The following RGSL1 variants were observed in gnomAD, a reference collection of about 807,000 sequenced individuals.
RGSL1 encodes the protein regulator of G protein signaling protein-like.
Under a neutral mutation model 124.7 loss-of-function variants are expected in RGSL1, and 97 were observed. The observed-to-expected ratio is 0.78, with a 90% CI of 0.66 to 0.92. The LOEUF is 0.92. Ranked by LOEUF, RGSL1 falls within the 40% of genes least tolerant of loss-of-function variation. RGSL1 has a pLI of 0.00. For synonymous variants in RGSL1, 424 were observed against 438.1 expected (o/e 0.97, Z 0.40); for missense variants, 1,233 against 1,288.4 (o/e 0.96, Z 0.66).
chr1:182,479,535 T>C (rs547873590), intron 6 of RGSL1, among the ~76,000 whole-genome samples: 6 of 151,966 alleles, frequency 3.9e-5, no homozygotes, highest in African/African-American at 1.4e-4. Flanking sequence ...AGTATATCAC[T>C]ACAAAAAACA....
At chr1:182,485,448 C>T (rs771163634) in intron 6 of RGSL1, among the ~76,000 whole-genome samples, 3 of 152,206 alleles carry the variant, frequency 2.0e-5, no homozygotes, top group Non-Finnish European at 4.4e-5. Flanking sequence ...GCTGACATCA[C>T]TCATCTTGAT....
chr1:182,535,370 T>C (rs1659464674), intron 14 of RGSL1, among the ~76,000 whole-genome samples: 1 of 152,192 alleles, frequency 6.6e-6, no homozygotes, highest in African/African-American at 2.4e-5. Context: ...AGCCAGAGTG[T>C]GTGTGTGTTT....
chr1:182,454,615 T>C (rs978008260), intron 2 of RGSL1, among the ~76,000 whole-genome samples: 3 of 150,400 alleles, frequency 2.0e-5, no homozygotes, highest in African/African-American at 7.3e-5. Context: ...TGTGTGTGTG[T>C]GTGTGTGTGT....
Position 182,500,611 on chromosome 1 carries a change from T to A in RGSL1, c.1825+7482T>A, listed in dbSNP as rs573334750. On this transcript the variant is annotated intron_variant, in intron 9 of 21. Coordinates refer to ENST00000294854, the MANE Select transcript of RGSL1 (RefSeq NM_001137669.2). Reference sequence around the variant, plus strand: ...ATCATTTTGGGTAGCATCGCCATATTCAATCTTCCAATTTATGAACACAGG... The same window carrying A: ...ATCATTTTGGGTAGCATCGCCATATACAATCTTCCAATTTATGAACACAGG... Among the ~76,000 whole-genome samples, 127 of 152,302 alleles carry A rather than the reference T, an allele frequency of 8.3e-4. 1 individual carries two copies. The highest frequency in any genetic ancestry group is 3.4e-3 in the Middle Eastern group (1 of 294).
chr1:182,530,298 A>G lies in RGSL1; in HGVS notation c.2180A>G (p.His727Arg). 9.0e-6 allele frequency: 14 copies of G among 1,551,166 alleles called. No homozygotes were observed. The highest frequency in any genetic ancestry group is 1.2e-5 in the Non-Finnish European group (14 of 1,146,588). ...ATCAAAGAAATCGCTTCCATGCGTCATGTCACCACAAGCACACTGTTAACG... is the reference window on the plus strand; with the variant it reads ...ATCAAAGAAATCGCTTCCATGCGTCGTGTCACCACAAGCACACTGTTAACG... ...PIIKEIASMRHVTTSTLLTLQ... is the reference protein window; with the variant it reads ...PIIKEIASMRRVTTSTLLTLQ... The change falls in exon 12 of 22, where the codon CAT becomes CGT. Residue 727 changes from histidine (H) to arginine (R), a missense_variant. His to Arg is a conservative substitution (Grantham distance 29). Coordinates refer to ENST00000294854, the MANE Select transcript of RGSL1 (RefSeq NM_001137669.2).
chr1:182,527,616 G>T lies in RGSL1; in HGVS notation c.1969G>T (p.Glu657Ter). 2.6e-6 allele frequency: 4 copies of T among 1,551,516 alleles called. No homozygotes were observed. Among genetic ancestry groups the T allele is most frequent in the Non-Finnish European group, 3.5e-6 (4 of 1,146,828 alleles). The change falls in exon 11 of 22, where the codon GAG (glutamate) becomes TAG (stop). Residue 657 changes from glutamate (E) to a stop codon, truncating the protein, a stop_gained. Coordinates refer to ENST00000294854, the MANE Select transcript of RGSL1 (RefSeq NM_001137669.2). LOFTEE classifies it high-confidence loss of function. ...AGTCCTCTTAAATACACAGCACTTG[G>T]AGTTCTTCAGGGAGTTCCTCAAGGA... ...TEVLLNTQHLEFFREFLKERK... is the reference protein window; with the variant it reads ...TEVLLNTQHL
intron 4 of RGSL1, among the ~76,000 whole-genome samples, chr1:182,469,078 T>A (rs1030875558): frequency 6.6e-5 from 10 of 152,128 alleles, no homozygotes; most frequent in Non-Finnish European, 1.0e-4. Context: ...ATGAAAAAAC[T>A]TATGGAGGAC....
At chr1:182,459,871 T>G in intron 3 of RGSL1, 133 bp from the exon 4 acceptor site, 1 of 1,105,696 alleles carries the variant, frequency 9.0e-7, no homozygotes, top group Non-Finnish European at 1.2e-6. Context: ...TAGAAATTGT[T>G]TTTAATCAAC....
intron 2 of RGSL1, 22 bp from the exon 3 acceptor site, chr1:182,458,295 CTG>C: frequency 3.9e-6 from 6 of 1,538,974 alleles, no homozygotes; most frequent in Non-Finnish European, 5.3e-6. Context: ...ACTCCCTTGA[CTG>C]TTTCCTAGCT....
chr1:182,489,926 C>T (rs113123261), intron 8 of RGSL1, among the ~76,000 whole-genome samples: 1 of 152,132 alleles, frequency 6.6e-6, no homozygotes, highest in Non-Finnish European at 1.5e-5. Flanking sequence ...GAGCATAGTG[C>T]TTTAATTATC....
chr1:182,484,731 C>T (rs1183127821), intron 6 of RGSL1, among the ~76,000 whole-genome samples: 1 of 152,150 alleles, frequency 6.6e-6, no homozygotes. Flanking sequence ...TACCAAAGTG[C>T]CATTTCCCCA....
At chr1:182,499,798 A>G (rs1656215271) in intron 9 of RGSL1, among the ~76,000 whole-genome samples, 1 of 152,168 alleles carries the variant, frequency 6.6e-6, no homozygotes, top group Non-Finnish European at 1.5e-5. Context: ...CTTTTGTGGT[A>G]GTCAATAACA....
chr1:182,551,036 C>T, intron 17 of RGSL1, 64 bp from the exon 18 acceptor site: 1 of 1,097,040 alleles, frequency 9.1e-7, no homozygotes, highest in Non-Finnish European at 1.4e-6. Flanking sequence ...TTCCCCTGTG[C>T]TCGGTGCTCC....
In RGSL1 at chr1:182,540,263, C is replaced by A; in HGVS notation, c.2511C>A (p.His837Gln). ...CTCTCTCAGATTTCACCACAGCACA[C>A]AACACATCGGGACGTTCAGCTCCAC... The part of the protein sequence containing the change: ...QNSKENFTTA[H>Q]NTSGRSAPPS... Residue 837 changes from histidine to glutamine, a missense_variant, in exon 15 of 22, where the codon CAC (histidine) becomes CAA (glutamine). By Grantham distance (24) the His-to-Gln change is conservative. Coordinates refer to ENST00000294854, the MANE Select transcript of RGSL1 (RefSeq NM_001137669.2). 2 of 1,550,216 alleles carry A rather than the reference C, an allele frequency of 1.3e-6. No individual in the cohort carries two copies. Among genetic ancestry groups the A allele is most frequent in the Non-Finnish European group, 1.7e-6 (2 of 1,146,374 alleles).
At chr1:182,532,550 G>A (rs995169500) in intron 13 of RGSL1, 112 bp from the exon 14 acceptor site, 17 of 940,838 alleles carry the variant, frequency 1.8e-5, no homozygotes, top group Admixed American at 8.6e-5. Flanking sequence ...ATTCCTTTAC[G>A]GAGGTGTTGT....
At chr1:182,451,630 A>G (rs186893575) in intron 1 of RGSL1, among the ~76,000 whole-genome samples, 80 of 150,912 alleles carry the variant, frequency 5.3e-4, no homozygotes, top group African/African-American at 1.8e-3. Flanking sequence ...AGGAAATGAG[A>G]CTGGGAGGAA....
intron 1 of RGSL1, among the ~76,000 whole-genome samples, chr1:182,453,725 G>A (rs1241652240): frequency 6.6e-6 from 1 of 152,136 alleles, no homozygotes; most frequent in African/African-American, 2.4e-5. Flanking sequence ...CTTCATAAAC[G>A]GAATGGGCAT....
chr1:182,455,873 G>A (rs1265885499), intron 2 of RGSL1, among the ~76,000 whole-genome samples: 1 of 152,172 alleles, frequency 6.6e-6, no homozygotes, highest in Non-Finnish European at 1.5e-5. Flanking sequence ...AGCCATCGAA[G>A]GATTTGAAGT....
intron 10 of RGSL1, among the ~76,000 whole-genome samples, chr1:182,523,980 T>G (rs1658547913): frequency 6.6e-6 from 1 of 152,190 alleles, no homozygotes; most frequent in African/African-American, 2.4e-5. Context: ...GAGTATTTTG[T>G]AGGTAGGGAT....
Sources: gnomAD v4.1 joint callset for allele counts (sites outside exome capture counted in the v4.1 genomes callset) on GRCh38, gnomAD v4.1.1 for gene constraint, MANE v1.5 for transcripts, NCBI Gene and HGNC (gene_info 2026-07-23, HGNC 2026-07-21) for gene names.